Variants in ADCY2 observed in about 807,000 individuals in gnomAD.
ADCY2 encodes adenylate cyclase 2.
In ADCY2, 31 loss-of-function variants were observed where a neutral mutation model predicts 125.2. The observed-to-expected ratio is 0.25, with a 90% CI of 0.19 to 0.33. The LOEUF (loss-of-function observed/expected upper bound fraction) is 0.33, where lower values mean the gene tolerates loss of function less well. Among genes scored for constraint, ADCY2 ranks in the 10% least tolerant of loss-of-function variants. The pLI, the probability that ADCY2 is intolerant of heterozygous loss-of-function variation, is 1.00. For synonymous variants in ADCY2, 512 were observed against 548.4 expected, an observed-to-expected ratio of 0.93 and a Z score of 0.93; for missense variants, 904 against 1,418.2, an observed-to-expected ratio of 0.64 and a Z score of 5.82.
chr5:7,409,130 C>G (rs1561008949), intron 1 of ADCY2, among the ~76,000 whole-genome samples: 1 of 152,110 alleles, frequency 6.6e-6, no homozygotes, highest in Non-Finnish European at 1.5e-5. Context: ...AATGTAGGAA[C>G]AGGAAACCAA....
intron 4 of ADCY2, among the ~76,000 whole-genome samples, chr5:7,674,298 G>C (rs185847805): frequency 5.3e-5 from 8 of 152,262 alleles, no homozygotes; most frequent in African/African-American, 1.7e-4. Flanking sequence ...CAGTGGTTTC[G>C]GTGTGGGGTG....
At chr5:7,627,978 G>C (rs2126659955) in intron 4 of ADCY2, among the ~76,000 whole-genome samples, 1 of 152,266 alleles carries the variant, frequency 6.6e-6, no homozygotes, top group African/African-American at 2.4e-5. Context: ...TTGTTTGTTT[G>C]TTCTAGATGT....
rs12109889 is a variant in ADCY2, at chr5:7,724,653, T to C, written c.1773+39T>C. ...TTCTTCAAAATCATCAATCGAGTTT[T>C]CTGAAATTTGAATTTCTTCATGAAA... On this transcript the variant is annotated intron_variant, in intron 13 of 24. Transcript: ENST00000338316. 8.6e-3 allele frequency: 12,273 copies of C among 1,430,660 alleles called. 880 individuals carry two copies. The African/African-American group carries it at 0.16, about 18-fold the overall frequency. 88.6% of individuals were successfully genotyped at this position (1,430,660 alleles called of 1,614,324 possible). A position where few individuals can be genotyped will look rare whatever the true frequency, so the allele number is the denominator to read the frequency against.
chr5:7,433,997 A>C (rs1469848548), intron 2 of ADCY2, among the ~76,000 whole-genome samples: 1 of 152,244 alleles, frequency 6.6e-6, no homozygotes, highest in Middle Eastern at 3.2e-3. Context: ...AAAATCTAAG[A>C]AAAGCAAACT....
At chr5:7,628,511 C>A (rs1738204813) in intron 4 of ADCY2, among the ~76,000 whole-genome samples, 1 of 152,082 alleles carries the variant, frequency 6.6e-6, no homozygotes, top group African/African-American at 2.4e-5. Flanking sequence ...ACTGAACCAT[C>A]ATGGGAGACA....
At chr5:7,824,032 T>A (rs529012462) in intron 24 of ADCY2, among the ~76,000 whole-genome samples, 15 of 152,244 alleles carry the variant, frequency 9.9e-5, no homozygotes, top group African/African-American at 3.6e-4. Flanking sequence ...AAGGGCTGCA[T>A]TTGGGTAAGT....
At chr5:7,515,915 G>A (rs958351940) in intron 2 of ADCY2, among the ~76,000 whole-genome samples, 3 of 152,142 alleles carry the variant, frequency 2.0e-5, no homozygotes, top group African/African-American at 7.2e-5. Context: ...AGGACTAGAG[G>A]GTGTGGGTGG....
intron 2 of ADCY2, among the ~76,000 whole-genome samples, chr5:7,422,365 C>T (rs148330064): frequency 1.3e-5 from 2 of 152,120 alleles, no homozygotes; most frequent in South Asian, 2.1e-4. Flanking sequence ...CTGACAAGCA[C>T]GGATCCACTT....
intron 3 of ADCY2, among the ~76,000 whole-genome samples, chr5:7,621,984 T>G (rs1737968763): frequency 6.6e-6 from 1 of 152,164 alleles, no homozygotes; most frequent in African/African-American, 2.4e-5. Context: ...CTTAAATAAT[T>G]TATTTTCCTC....
intron 18 of ADCY2, among the ~76,000 whole-genome samples, chr5:7,778,268 A>G (rs1743806425): frequency 6.6e-6 from 1 of 152,210 alleles, no homozygotes; most frequent in Admixed American, 6.5e-5. Flanking sequence ...TTTTTTTCTT[A>G]CAGAACTGAA....
At chr5:7,708,985 T>C (rs1741352573) in intron 9 of ADCY2, among the ~76,000 whole-genome samples, 1 of 152,162 alleles carries the variant, frequency 6.6e-6, no homozygotes, top group African/African-American at 2.4e-5. Context: ...CATATCATTA[T>C]TTTTTTCTAA....
At chr5:7,645,301 G>A (rs896766306) in intron 4 of ADCY2, among the ~76,000 whole-genome samples, 2 of 152,250 alleles carry the variant, frequency 1.3e-5, no homozygotes, top group South Asian at 2.1e-4. Flanking sequence ...GATGGCTGAG[G>A]CCTAAGTGGT....
At chr5:7,777,985 G>T (rs1423404957) in intron 18 of ADCY2, among the ~76,000 whole-genome samples, 1 of 152,166 alleles carries the variant, frequency 6.6e-6, no homozygotes, top group East Asian at 1.9e-4. Context: ...AGGCAGCTTG[G>T]CAGTTTCTCA....
intron 4 of ADCY2, among the ~76,000 whole-genome samples, chr5:7,655,203 C>T (rs965102604): frequency 6.6e-6 from 1 of 152,148 alleles, no homozygotes; most frequent in Non-Finnish European, 1.5e-5. Flanking sequence ...TGGCACTTTA[C>T]CTGATTGTGT....
At chr5:7,767,415 A>T (rs552025286) in intron 17 of ADCY2, among the ~76,000 whole-genome samples, 2 of 152,316 alleles carry the variant, frequency 1.3e-5, no homozygotes, top group South Asian at 4.1e-4. Context: ...GTTTGTGGAA[A>T]AAAAAAAAGT....
chr5:7,601,783 C>T lies in ADCY2; in HGVS notation c.571-24384C>T, dbSNP rs974677695. ...GTGTCATGCCTTCCTGCATTTCCCTCCTGCTCCCTCAGCAGTGATGCATGC... is the reference window on the plus strand; with the variant it reads ...GTGTCATGCCTTCCTGCATTTCCCTTCTGCTCCCTCAGCAGTGATGCATGC... On this transcript the variant is annotated intron_variant, in intron 3 of 24. Coordinates refer to ENST00000338316, the MANE Select transcript of ADCY2 (RefSeq NM_020546.3). Among the ~76,000 whole-genome samples, 6 of 152,206 alleles carry T rather than the reference C, an allele frequency of 3.9e-5. No homozygotes were observed. In the East Asian group the frequency reaches 1.2e-3, roughly 29 times the overall value.
intron 3 of ADCY2, among the ~76,000 whole-genome samples, chr5:7,570,472 G>C (rs1455532117): frequency 6.6e-6 from 1 of 152,080 alleles, no homozygotes; most frequent in Non-Finnish European, 1.5e-5. Context: ...AATTCAGTAT[G>C]ACGTGAGAAA....
intron 1 of ADCY2, 25 bp from the exon 2 acceptor site, chr5:7,414,548 T>A: frequency 6.3e-7 from 1 of 1,584,000 alleles, no homozygotes; most frequent in Admixed American, 1.8e-5. Context: ...TGGTAACTTT[T>A]CCATGTATTT....
chr5:7,689,845 T>C (rs573350989), intron 4 of ADCY2, among the ~76,000 whole-genome samples: 1 of 152,192 alleles, frequency 6.6e-6, no homozygotes, highest in Non-Finnish European at 1.5e-5. Flanking sequence ...CTAAAGAATA[T>C]GATGCTTTCT....
Sources: allele counts gnomAD v4.1 joint callset (sites outside exome capture counted in the v4.1 genomes callset), GRCh38; gene constraint gnomAD v4.1.1; transcripts MANE v1.5; gene names NCBI Gene and HGNC (gene_info 2026-07-23, HGNC 2026-07-21).